EHD4: variants seen among roughly 807,000 people sequenced by gnomAD.
EHD4 encodes the protein EH domain-containing protein 4.
In EHD4, 37 loss-of-function variants were observed where a neutral mutation model predicts 51.0. The ratio of observed to expected loss-of-function variants is 0.73; its 90% CI spans 0.56 to 0.95. The LOEUF is 0.95. Ranked by LOEUF, EHD4 falls within the 40% of genes least tolerant of loss-of-function variation. EHD4 has a pLI of 0.00. For synonymous variants in EHD4, 297 were observed against 317.3 expected, an observed-to-expected ratio of 0.94 and a Z score of 0.68; for missense variants, 632 against 733.1, an observed-to-expected ratio of 0.86 and a Z score of 1.59.
intron 2 of EHD4, among the ~76,000 whole-genome samples, chr15:41,952,222 C>A (rs572556589): frequency 6.6e-6 from 1 of 152,172 alleles, no homozygotes; most frequent in Admixed American, 6.5e-5. Context: ...TGAGGCGCTT[C>A]GGCCTTTGGG....
intron 4 of EHD4, among the ~76,000 whole-genome samples, chr15:41,912,370 C>T (rs959980644): frequency 6.6e-6 from 1 of 152,170 alleles, no homozygotes. Flanking sequence ...TAACCCAGGG[C>T]CAACTTCTGT....
intron 5 of EHD4, among the ~76,000 whole-genome samples, chr15:41,904,853 A>G (rs2067502433): frequency 6.6e-6 from 1 of 152,216 alleles, no homozygotes; most frequent in African/African-American, 2.4e-5. Flanking sequence ...GTCCCTCCCC[A>G]GAGCGTGCCA....
chr15:41,923,430 A>T (rs2067640855), intron 3 of EHD4, among the ~76,000 whole-genome samples: 1 of 152,218 alleles, frequency 6.6e-6, no homozygotes. Flanking sequence ...CATGTCATTT[A>T]GTCTGCCTGC....
At chr15:41,928,540 T>C (rs899971129) in intron 3 of EHD4, 1 of 152,242 alleles carries the variant, frequency 6.6e-6, no homozygotes, top group Non-Finnish European at 1.5e-5. Context: ...TTTTGATTTG[T>C]GGTTTCCTAA....
chr15:41,913,336 G>C (rs1432029002), intron 4 of EHD4, among the ~76,000 whole-genome samples: 2 of 152,198 alleles, frequency 1.3e-5, no homozygotes, highest in Non-Finnish European at 2.9e-5. Flanking sequence ...GTTGTCCCTG[G>C]GGAAGGAGGT....
intron 3 of EHD4, among the ~76,000 whole-genome samples, chr15:41,924,504 T>C (rs2067648407): frequency 1.3e-5 from 2 of 152,214 alleles, no homozygotes; most frequent in African/African-American, 4.8e-5. Flanking sequence ...TAGAATCACC[T>C]TGGCACCTAG....
At chr15:41,908,116 T>A (rs2067524717) in intron 5 of EHD4, 1 of 152,136 alleles carries the variant, frequency 6.6e-6, no homozygotes, top group Admixed American at 6.6e-5. Flanking sequence ...TCTGCCTGCA[T>A]CCGCCTCCCA....
At chr15:41,907,824 CTGTG>C (rs10522331) in intron 5 of EHD4, among the ~76,000 whole-genome samples, 3,140 of 132,066 alleles carry the variant, frequency 0.024, 44 homozygotes, top group Middle Eastern at 0.029. Context: ...CGCCCAGGCT[CTGTG>C]TGTGTGTGTG....
intron 5 of EHD4, among the ~76,000 whole-genome samples, chr15:41,905,727 G>A (rs1289576547): frequency 6.6e-6 from 1 of 152,198 alleles, no homozygotes; most frequent in Non-Finnish European, 1.5e-5. Flanking sequence ...CTGGAGTGCA[G>A]TGGCGTGATC....
In EHD4 at chr15:41,943,144, G is replaced by C. The variant is rs1332298354; in HGVS notation, c.434C>G (p.Pro145Arg). The change falls in exon 3 of 6, where the codon CCC (proline) becomes CGC (arginine). Residue 145 changes from proline (P) to arginine (R), a missense_variant. Transcript: ENST00000220325. ...FLNRFMCSQL[P>R]NQVLKSISVI... ...GCTGATGCTCTTCAGGACCTGATTG[G>C]GGAGCTGTGAGCACATGAATCTGGA... is the stretch of plus-strand genomic sequence containing the variant. 6.3e-7 allele frequency: 1 copy of C among 1,590,906 alleles called. No homozygotes were observed. The highest frequency in any genetic ancestry group is 1.3e-5 in the African/African-American group (1 of 74,764).
chr15:41,971,182 G>C (rs1301019325), intron 1 of EHD4, among the ~76,000 whole-genome samples: 1 of 152,210 alleles, frequency 6.6e-6, no homozygotes, highest in Non-Finnish European at 1.5e-5. Flanking sequence ...GGTCACTGGA[G>C]TGGAGAAAAA....
intron 2 of EHD4, among the ~76,000 whole-genome samples, chr15:41,953,175 C>T (rs371422979): frequency 1.3e-5 from 2 of 151,762 alleles, no homozygotes; most frequent in Admixed American, 1.3e-4. Context: ...GGGTAAAATC[C>T]GAGTGTCCGG....
intron 3 of EHD4, among the ~76,000 whole-genome samples, chr15:41,923,816 G>A (rs1303801887): frequency 6.6e-6 from 1 of 152,228 alleles, no homozygotes; most frequent in Non-Finnish European, 1.5e-5. Flanking sequence ...CGAGGAAACA[G>A]AACTGAAACA....
At chr15:41,939,307 T>G (rs1275018220) in intron 3 of EHD4, among the ~76,000 whole-genome samples, 1 of 152,220 alleles carries the variant, frequency 6.6e-6, no homozygotes, top group Non-Finnish European at 1.5e-5. Flanking sequence ...ATCAGAACAC[T>G]TTTATCCTTG....
At chr15:41,953,019 AAAC>A (rs1312887497) in intron 2 of EHD4, among the ~76,000 whole-genome samples, 36 of 150,818 alleles carry the variant, frequency 2.4e-4, no homozygotes, top group Non-Finnish European at 3.7e-4. Flanking sequence ...AAAAAAAAAA[AAAC>A]GACCACGTAA....
chr15:41,971,717 G>A (rs1037464896), intron 1 of EHD4, among the ~76,000 whole-genome samples: 1 of 152,222 alleles, frequency 6.6e-6, no homozygotes, highest in South Asian at 2.1e-4. Context: ...TGAACTGAAC[G>A]TAGGCGGCCT....
chr15:41,911,193 C>T (rs557086685), intron 4 of EHD4, among the ~76,000 whole-genome samples: 15 of 152,286 alleles, frequency 9.8e-5, no homozygotes, highest in African/African-American at 3.6e-4. Flanking sequence ...TGTCAACTTC[C>T]CATCTGCACA....
At chr15:41,929,398 G>A (rs1349965710) in intron 3 of EHD4, among the ~76,000 whole-genome samples, 1 of 152,230 alleles carries the variant, frequency 6.6e-6, no homozygotes, top group East Asian at 1.9e-4. Flanking sequence ...TCACAGGTTC[G>A]TGCCACGCCA....
chr15:41,962,580 A>T (rs952025287), intron 1 of EHD4, among the ~76,000 whole-genome samples: 4 of 151,532 alleles, frequency 2.6e-5, no homozygotes, highest in South Asian at 4.2e-4. Context: ...ATTGAGACAG[A>T]TTTTACTTCC....
Sources: gnomAD v4.1 joint callset for allele counts (sites outside exome capture counted in the v4.1 genomes callset) on GRCh38, gnomAD v4.1.1 for gene constraint, MANE v1.5 for transcripts, NCBI Gene and HGNC (gene_info 2026-07-23, HGNC 2026-07-21) for gene names.